The following EYA3 variants were observed in gnomAD, a reference collection of about 807,000 sequenced individuals.
EYA3 encodes the protein protein phosphatase EYA3.
EYA3 carries 39 observed loss-of-function variants against 80.0 expected under a neutral mutation model. The observed-to-expected ratio is 0.49, with a 90% CI of 0.38 to 0.64. The LOEUF is 0.64. EYA3 is among the 30% of genes least tolerant of loss of function. EYA3 has a pLI of 0.00. For synonymous variants in EYA3, 206 were observed against 232.8 expected (o/e 0.88, Z 1.05); for missense variants, 523 against 676.1 (o/e 0.77, Z 2.51).
chr1:27,993,731 A>T (rs532824825), intron 13 of EYA3, among the ~76,000 whole-genome samples, 171 bp from the exon 14 acceptor site: 17 of 152,264 alleles, frequency 1.1e-4, no homozygotes, highest in Non-Finnish European at 2.1e-4. Flanking sequence ...TCTATCTCAC[A>T]CTTATTACTT....
intron 1 of EYA3, among the ~76,000 whole-genome samples, chr1:28,086,444 A>C (rs1645656010): frequency 6.6e-6 from 1 of 152,136 alleles, no homozygotes; most frequent in South Asian, 2.1e-4. Context: ...TGGCCTTCCA[A>C]AGTGCTGGGG....
intron 1 of EYA3, among the ~76,000 whole-genome samples, chr1:28,064,385 T>TAC (rs1644755141): frequency 6.8e-6 from 1 of 148,088 alleles, no homozygotes; most frequent in African/African-American, 2.5e-5. Flanking sequence ...TCTCTATATA[T>TAC]ATATATATAA....
chr1:28,037,399 A>C (rs1643516741), intron 5 of EYA3, among the ~76,000 whole-genome samples: 1 of 152,260 alleles, frequency 6.6e-6, no homozygotes, highest in Non-Finnish European at 1.5e-5. Context: ...CATTCTAAAA[A>C]ACTGAATTTA....
At chr1:28,037,270 T>C (rs1320732160) in intron 5 of EYA3, among the ~76,000 whole-genome samples, 1 of 152,024 alleles carries the variant, frequency 6.6e-6, no homozygotes, top group Non-Finnish European at 1.5e-5. Flanking sequence ...AATAAAGAGG[T>C]CTGAATTAAG....
intron 1 of EYA3, among the ~76,000 whole-genome samples, chr1:28,062,903 G>A (rs1486375709): frequency 6.6e-6 from 1 of 151,724 alleles, no homozygotes; most frequent in Non-Finnish European, 1.5e-5. Flanking sequence ...TCAGGAGGCT[G>A]AGGGAGGAAA....
intron 1 of EYA3, among the ~76,000 whole-genome samples, chr1:28,070,391 G>A (rs147280726): frequency 9.9e-5 from 15 of 152,002 alleles, no homozygotes; most frequent in African/African-American, 2.9e-4. Flanking sequence ...GAAACCCCCC[G>A]TCTCTACTAA....
intron 8 of EYA3, 86 bp downstream of exon 8, chr1:28,017,066 TTC>T: frequency 2.6e-6 from 3 of 1,170,696 alleles, no homozygotes; most frequent in South Asian, 1.3e-5. Context: ...TCCTGGTTGT[TTC>T]TTAGATAGGC....
intron 16 of EYA3, among the ~76,000 whole-genome samples, chr1:27,985,826 C>T (rs1639620748): frequency 6.6e-6 from 1 of 151,882 alleles, no homozygotes; most frequent in Admixed American, 6.6e-5. Context: ...AAGTAATCAG[C>T]CCGTCTTGGC....
At chr1:28,005,606 T>C (rs1177516766) in intron 10 of EYA3, among the ~76,000 whole-genome samples, 1 of 151,890 alleles carries the variant, frequency 6.6e-6, no homozygotes. Context: ...TCCCAGCTAC[T>C]TGGGAGGCTG....
chr1:28,084,816 C>A (rs1645594352), intron 1 of EYA3, among the ~76,000 whole-genome samples: 1 of 150,830 alleles, frequency 6.6e-6, no homozygotes, highest in African/African-American at 2.4e-5. Flanking sequence ...ACCGTGTTGC[C>A]CAGGCTGTTC....
intron 13 of EYA3, among the ~76,000 whole-genome samples, chr1:27,994,305 T>A (rs1249443070): frequency 6.6e-6 from 1 of 152,148 alleles, no homozygotes; most frequent in Non-Finnish European, 1.5e-5. Context: ...ATCAGCCACA[T>A]GTCAGAGATT....
At position 28,013,039 on chromosome 1, in the gene EYA3, C is replaced by T; in HGVS notation, c.769+72G>A. 1 of 1,475,930 alleles carries T rather than the reference C, an allele frequency of 6.8e-7. No homozygotes were observed. The highest frequency in any genetic ancestry group is 1.3e-5 in the South Asian group (1 of 78,204). The allele number at this position is 1,475,930 out of a possible 1,614,324, so 91.4% of individuals were successfully genotyped here. On this transcript the variant is annotated intron_variant, in intron 9 of 17. Transcript: ENST00000373871. The surrounding 1 kb of genome is among the most constrained non-coding windows in gnomAD (Gnocchi z 4.0). Reference sequence around the variant, plus strand: ...TGACTTAAGACAGAACAAAATCATCCTTACCATTGCCTAAAAACAACTGTT... The same window carrying T: ...TGACTTAAGACAGAACAAAATCATCTTTACCATTGCCTAAAAACAACTGTT...
At chr1:28,053,960 A>G (rs77680982) in intron 2 of EYA3, among the ~76,000 whole-genome samples, 3,698 of 152,318 alleles carry the variant, frequency 0.024, 80 homozygotes, top group Admixed American at 0.08. Flanking sequence ...TGCTAGGTAA[A>G]TTGTAATCTT....
At chr1:28,059,861 C>T (rs910716917) in intron 1 of EYA3, among the ~76,000 whole-genome samples, 1 of 151,964 alleles carries the variant, frequency 6.6e-6, no homozygotes, top group Non-Finnish European at 1.5e-5. Flanking sequence ...GCTGGGACTA[C>T]AGGCGCGCCA....
At chr1:27,985,703 T>A (rs879593879) in intron 16 of EYA3, among the ~76,000 whole-genome samples, 1 of 152,156 alleles carries the variant, frequency 6.6e-6, no homozygotes, top group Non-Finnish European at 1.5e-5. Flanking sequence ...TGCCTCAGCC[T>A]CCCGAGTAAC....
rs1244723602 is a variant in EYA3 at position 27,972,569 on chromosome 1, T to C, written c.*1897A>G. On this transcript the variant is annotated 3_prime_UTR_variant, in exon 18 of 18. Transcript: ENST00000373871. The stretch of plus-strand genomic sequence containing the variant: ...GCTGCAACATCTCTGGAAATGGGTA[T>C]GCAGAATCTCTGGTGACAAGCAATT... 2 of 152,278 alleles carry C rather than the reference T, an allele frequency of 1.3e-5. No individual in the cohort carries two copies. The allele number at this position is 152,278 out of a possible 1,614,324, so 9.4% of individuals were successfully genotyped here.
At chr1:28,075,629 A>G (rs983744967) in intron 1 of EYA3, among the ~76,000 whole-genome samples, 6 of 152,206 alleles carry the variant, frequency 3.9e-5, no homozygotes, top group Admixed American at 6.5e-5. Context: ...AAAAGCACAA[A>G]TTAAAATGCC....
chr1:28,068,082 T>C (rs191117088), intron 1 of EYA3, among the ~76,000 whole-genome samples: 1 of 152,250 alleles, frequency 6.6e-6, no homozygotes, highest in East Asian at 1.9e-4. Context: ...ATGCCTGTAA[T>C]CCCAGCACTT....
chr1:28,035,174 T>A (rs2148845255), intron 6 of EYA3, among the ~76,000 whole-genome samples: 1 of 152,280 alleles, frequency 6.6e-6, no homozygotes, highest in African/African-American at 2.4e-5. Flanking sequence ...CAAACTATGA[T>A]ACATATTCAG....
Sources: allele counts gnomAD v4.1 joint callset (sites outside exome capture counted in the v4.1 genomes callset), GRCh38; gene constraint gnomAD v4.1.1; non-coding constraint Gnocchi (gnomAD v3.1); transcripts MANE v1.5; gene names NCBI Gene and HGNC (gene_info 2026-07-23, HGNC 2026-07-21).